RRAGB: variants seen among roughly 807,000 people sequenced by gnomAD.
RRAGB encodes the protein ras-related GTP-binding protein B.
In RRAGB, 6 loss-of-function variants were observed where a neutral mutation model predicts 29.3. The ratio of observed to expected loss-of-function variants is 0.21; its 90% CI spans 0.11 to 0.40. RRAGB has a LOEUF of 0.40. Ranked by LOEUF, RRAGB falls within the 10% of genes least tolerant of loss-of-function variation. RRAGB has a pLI of 1.00. For missense variants in RRAGB, 184 were observed against 272.9 expected (o/e 0.67, Z 2.29); for synonymous variants, 101 against 92.5 (o/e 1.09, Z -0.53).
At chrX:55,727,727 TAGC>T (rs1262104900) in intron 3 of RRAGB, among the ~76,000 whole-genome samples, 1 of 112,063 alleles carries the variant, frequency 8.9e-6, no homozygotes, top group African/African-American at 3.2e-5. Flanking sequence ...AAAAGTTAGA[TAGC>T]AGTCAATTTA....
At chrX:55,749,382 C>G (rs1329142122) in intron 5 of RRAGB, among the ~76,000 whole-genome samples, 1 of 98,392 alleles carries the variant, frequency 1.0e-5, no homozygotes, top group African/African-American at 3.7e-5. Flanking sequence ...AGCCCCCGCC[C>G]GGTCAGCCGC....
intron 5 of RRAGB, among the ~76,000 whole-genome samples, chrX:55,743,994 G>A (rs1483303757): frequency 1.8e-5 from 2 of 111,343 alleles, no homozygotes; most frequent in African/African-American, 3.3e-5. Flanking sequence ...TGGCACCTGC[G>A]TATCATGCAG....
chrX:55,755,976 T>A, intron 8 of RRAGB, 44 bp downstream of exon 8: 8 of 924,908 alleles, frequency 8.6e-6, no homozygotes, highest in Non-Finnish European at 1.1e-5. Flanking sequence ...CTTGAAAAAA[T>A]TATTGTCATT....
chrX:55,755,992 G>A (rs1013942772), intron 8 of RRAGB, 60 bp downstream of exon 8: 2 of 808,683 alleles, frequency 2.5e-6, no homozygotes, highest in African/African-American at 4.1e-5. Flanking sequence ...TCATTTTTTA[G>A]AAGTTCAAAT....
At chrX:55,724,051 CATT>C in intron 3 of RRAGB, among the ~76,000 whole-genome samples, 1 of 112,413 alleles carries the variant, frequency 8.9e-6, no homozygotes, top group Middle Eastern at 4.6e-3. Flanking sequence ...TTATTCAGGA[CATT>C]ACATTGCTGT....
At chrX:55,738,708 G>A (rs986120247) in intron 5 of RRAGB, among the ~76,000 whole-genome samples, 2 of 112,054 alleles carry the variant, frequency 1.8e-5, no homozygotes, top group African/African-American at 3.3e-5. Flanking sequence ...AGGAGGTGGC[G>A]TTTGTAGGAG....
At chrX:55,742,723 A>C (rs375146151) in intron 5 of RRAGB, among the ~76,000 whole-genome samples, 4 of 111,697 alleles carry the variant, frequency 3.6e-5, no homozygotes, top group South Asian at 3.8e-4. Context: ...CAAGAAACAA[A>C]AATTTTGCTA....
chrX:55,746,744 T>G (rs930292476), intron 5 of RRAGB, among the ~76,000 whole-genome samples: 1 of 111,618 alleles, frequency 9.0e-6, no homozygotes, highest in African/African-American at 3.3e-5. Flanking sequence ...GCATTTCAAC[T>G]TCATGTCGTT....
chrX:55,727,561 C>T (rs909959949), intron 3 of RRAGB, among the ~76,000 whole-genome samples: 2 of 111,302 alleles, frequency 1.8e-5, no homozygotes, highest in African/African-American at 6.5e-5. Context: ...TTAATAGAAG[C>T]GGAAACTAAT....
chrX:55,752,303 G>A, intron 6 of RRAGB: 4 of 752,905 alleles, frequency 5.3e-6, no homozygotes, highest in Non-Finnish European at 6.3e-6. Flanking sequence ...CGGTGTGAAG[G>A]ATGGCAATAC....
chrX:55,756,284 T>A (rs1349390167), intron 8 of RRAGB, among the ~76,000 whole-genome samples: 1 of 112,280 alleles, frequency 8.9e-6, no homozygotes, highest in Non-Finnish European at 1.9e-5. Context: ...AACTACTACT[T>A]TAAGTATTTA....
At chrX:55,727,671 A>G (rs1367473243) in intron 3 of RRAGB, among the ~76,000 whole-genome samples, 2 of 112,096 alleles carry the variant, frequency 1.8e-5, no homozygotes, top group Non-Finnish European at 3.8e-5. Flanking sequence ...TTTTAAAATA[A>G]TGCTCTGCTG....
intron 5 of RRAGB, among the ~76,000 whole-genome samples, chrX:55,739,251 G>A (rs914935357): frequency 8.9e-6 from 1 of 112,611 alleles, no homozygotes; most frequent in Admixed American, 9.3e-5. Context: ...TGGGGCACTT[G>A]GCTGCTGCTC....
chrX:55,720,562 T>G (rs2033230129), intron 2 of RRAGB, among the ~76,000 whole-genome samples: 1 of 111,236 alleles, frequency 9.0e-6, no homozygotes, highest in African/African-American at 3.3e-5. Context: ...AAGTTAAGGC[T>G]GGGCACGGTG....
intron 5 of RRAGB, among the ~76,000 whole-genome samples, chrX:55,736,607 C>T (rs555935266): frequency 6.3e-5 from 7 of 111,664 alleles, no homozygotes; most frequent in East Asian, 2.8e-4. Context: ...TGGACAATTT[C>T]GTCTTATTAT....
intron 9 of RRAGB, among the ~76,000 whole-genome samples, chrX:55,757,556 T>C (rs983262741): frequency 1.8e-5 from 2 of 112,458 alleles, no homozygotes; most frequent in African/African-American, 6.5e-5. Flanking sequence ...ATTTTAGTAC[T>C]AGTGGTAAAT....
chrX:55,749,396 G>A (rs796331450), intron 5 of RRAGB, among the ~76,000 whole-genome samples: 8 of 97,429 alleles, frequency 8.2e-5, no homozygotes, highest in East Asian at 6.9e-4. Flanking sequence ...CAGCCGCCCC[G>A]TCCGGGAGGG....
At chrX:55,755,443 A>G (rs1372097792) in intron 7 of RRAGB, 2 of 745,082 alleles carry the variant, frequency 2.7e-6, no homozygotes, top group African/African-American at 4.6e-5. Flanking sequence ...CTTTATTAAA[A>G]TTAAACACAT....
chrX:55,743,552 C>T (rs2034149609), intron 5 of RRAGB, among the ~76,000 whole-genome samples: 1 of 112,790 alleles, frequency 8.9e-6, no homozygotes, highest in African/African-American at 3.2e-5. Flanking sequence ...GGGCAGTTAC[C>T]TGCATGGTTG....
Sources: allele counts gnomAD v4.1 joint callset (sites outside exome capture counted in the v4.1 genomes callset), GRCh38; gene constraint gnomAD v4.1.1; transcripts MANE v1.5; gene names NCBI Gene and HGNC (gene_info 2026-07-23, HGNC 2026-07-21).